CNTN1: variants seen among roughly 807,000 people sequenced by gnomAD.
The protein encoded by CNTN1 is contactin 1.
CNTN1 carries 38 observed loss-of-function variants against 126.4 expected under a neutral mutation model. That is an observed-to-expected ratio of 0.30 (90% CI 0.23 to 0.39). The LOEUF (loss-of-function observed/expected upper bound fraction) is 0.39. CNTN1 is among the 10% of genes least tolerant of loss of function. CNTN1 has a pLI of 1.00. For missense variants in CNTN1, 1,009 were observed against 1,248.4 expected (o/e 0.81, Z 2.89); for synonymous variants, 413 against 422.6 (o/e 0.98, Z 0.28).
intron 14 of CNTN1, among the ~76,000 whole-genome samples, chr12:40,948,938 T>C (rs1296025807): frequency 6.6e-6 from 1 of 152,200 alleles, no homozygotes; most frequent in Non-Finnish European, 1.5e-5. Context: ...ACAGGTATGC[T>C]AGGTGTGTGT....
chr12:40,769,117 A>T (rs1012186243), intron 1 of CNTN1, among the ~76,000 whole-genome samples: 2 of 152,152 alleles, frequency 1.3e-5, no homozygotes, highest in Non-Finnish European at 2.9e-5. Flanking sequence ...ACAAAGTCAG[A>T]TATACCATAG....
intron 1 of CNTN1, among the ~76,000 whole-genome samples, chr12:40,860,335 A>G (rs537750856): frequency 7.2e-5 from 11 of 152,258 alleles, no homozygotes; most frequent in African/African-American, 2.6e-4. Context: ...GTCTTCTTTA[A>G]TAACACTTAT....
At chr12:40,982,342 T>C (rs1036297922) in intron 16 of CNTN1, among the ~76,000 whole-genome samples, 1 of 152,174 alleles carries the variant, frequency 6.6e-6, no homozygotes, top group Non-Finnish European at 1.5e-5. Flanking sequence ...AGTTTCTACT[T>C]TTCTGAAGAG....
At chr12:40,986,901 T>G (rs977930232) in intron 16 of CNTN1, among the ~76,000 whole-genome samples, 2 of 152,216 alleles carry the variant, frequency 1.3e-5, no homozygotes, top group African/African-American at 4.8e-5. Flanking sequence ...GCCTATACTT[T>G]GTCTGTAAAT....
intron 1 of CNTN1, among the ~76,000 whole-genome samples, chr12:40,836,008 G>GTGTGTGTGTA (rs141242584): frequency 1.3e-5 from 2 of 148,244 alleles, no homozygotes; most frequent in Admixed American, 6.8e-5. Flanking sequence ...GTGTGTGTGT[G>GTGTGTGTGTA]TATATATGTA....
At chr12:40,709,623 C>T (rs954873081) in intron 1 of CNTN1, among the ~76,000 whole-genome samples, 1 of 152,190 alleles carries the variant, frequency 6.6e-6, no homozygotes, top group African/African-American at 2.4e-5. Flanking sequence ...TTTAGTGTAG[C>T]CACCTTCATC....
chr12:40,939,603 A>G (rs1946196508), intron 12 of CNTN1, 118 bp downstream of exon 12: 2 of 1,110,358 alleles, frequency 1.8e-6, no homozygotes, highest in Non-Finnish European at 2.7e-6. Flanking sequence ...TTTTTTTCAC[A>G]GAAGATCCTG....
chr12:41,028,999 A>G, intron 22 of CNTN1, 64 bp from the exon 23 acceptor site: 1 of 1,447,928 alleles, frequency 6.9e-7, no homozygotes, highest in Non-Finnish European at 9.7e-7. Context: ...TTCTGGTTTT[A>G]GTGTTAGAGC....
chr12:40,746,563 G>T (rs2136390445), intron 1 of CNTN1, among the ~76,000 whole-genome samples: 1 of 152,184 alleles, frequency 6.6e-6, no homozygotes, highest in Admixed American at 6.5e-5. Context: ...TAACTTGAAG[G>T]AAAAGTGTGG....
intron 1 of CNTN1, among the ~76,000 whole-genome samples, chr12:40,744,267 C>T (rs1248246557): frequency 6.6e-6 from 1 of 150,722 alleles, no homozygotes; most frequent in Non-Finnish European, 1.5e-5. Flanking sequence ...ACTTGCACGT[C>T]CTGCACATGT....
At chr12:40,843,751 A>G (rs115524463) in intron 1 of CNTN1, among the ~76,000 whole-genome samples, 208 of 152,346 alleles carry the variant, frequency 1.4e-3, no homozygotes, top group African/African-American at 4.2e-3. Flanking sequence ...ATCTAGACCA[A>G]AAAGAATATG....
At chr12:41,001,741 G>A (rs1374306414) in intron 17 of CNTN1, among the ~76,000 whole-genome samples, 1 of 152,034 alleles carries the variant, frequency 6.6e-6, no homozygotes, top group Admixed American at 6.5e-5. Context: ...GTCCTCCAGG[G>A]TTTTTATAGT....
intron 1 of CNTN1, among the ~76,000 whole-genome samples, chr12:40,715,583 T>C (rs1942029051): frequency 6.6e-6 from 1 of 152,164 alleles, no homozygotes; most frequent in South Asian, 2.1e-4. Context: ...ATATTGACAT[T>C]CCTGTTGCTT....
chr12:40,822,648 T>C (rs998999828), intron 1 of CNTN1, among the ~76,000 whole-genome samples: 1 of 152,184 alleles, frequency 6.6e-6, no homozygotes, highest in Non-Finnish European at 1.5e-5. Context: ...TCAAATTCTG[T>C]CTTATTCCTT....
intron 1 of CNTN1, among the ~76,000 whole-genome samples, chr12:40,759,406 T>C (rs565598858): frequency 6.6e-6 from 1 of 152,080 alleles, no homozygotes; most frequent in African/African-American, 2.4e-5. Flanking sequence ...TTCTTTTTCC[T>C]TTTTTTCTCT....
Position 41,002,554 on chromosome 12 carries a change from C to CTTT in CNTN1, c.2113+9286_2113+9288dup, listed in dbSNP as rs200237008. 3.7e-4 allele frequency among the ~76,000 whole-genome samples: 49 copies of CTTT among 131,486 alleles called. 3 individuals are homozygous for CTTT. The highest frequency in any genetic ancestry group is 6.2e-4 in the African/African-American group (20 of 32,420). The allele number at this position is 131,486 out of a possible 152,430, so 86.3% of individuals were successfully genotyped here. On this transcript the variant is annotated intron_variant, in intron 17 of 23. Coordinates refer to ENST00000551295, the MANE Select transcript of CNTN1 (RefSeq NM_001843.4). ...CTTTTGGGCTGAGACTATAGGGTTT[C>CTTT]TTTCTTTTTTTTTTTTTTTTTGAGA... is the stretch of plus-strand genomic sequence containing the variant.
intron 14 of CNTN1, among the ~76,000 whole-genome samples, chr12:40,945,420 A>G (rs1946400194): frequency 1.3e-5 from 2 of 152,090 alleles, no homozygotes; most frequent in South Asian, 4.1e-4. Flanking sequence ...TACTTTCTCA[A>G]AAAGTAGGCT....
chr12:40,800,600 G>A (rs989585230), intron 1 of CNTN1, among the ~76,000 whole-genome samples: 1 of 151,960 alleles, frequency 6.6e-6, no homozygotes, highest in Non-Finnish European at 1.5e-5. Flanking sequence ...GAAGAAAAGT[G>A]ACGGCTTAAT....
chr12:41,034,580 G>A (rs116021008), intron 23 of CNTN1, among the ~76,000 whole-genome samples: 252 of 152,248 alleles, frequency 1.7e-3, no homozygotes, highest in African/African-American at 5.6e-3. Context: ...AGGAAATGCT[G>A]TCTCTTCAAC....
Sources: gnomAD v4.1 joint callset for allele counts (sites outside exome capture counted in the v4.1 genomes callset) on GRCh38, gnomAD v4.1.1 for gene constraint, MANE v1.5 for transcripts, NCBI Gene and HGNC (gene_info 2026-07-23, HGNC 2026-07-21) for gene names.